PTPRT: variants seen among roughly 807,000 people sequenced by gnomAD.
PTPRT encodes the protein receptor-type tyrosine-protein phosphatase T.
In PTPRT, 56 loss-of-function variants were observed where a neutral mutation model predicts 176.8. The ratio of observed to expected loss-of-function variants is 0.32; its 90% CI spans 0.26 to 0.40. The LOEUF (loss-of-function observed/expected upper bound fraction) is 0.40, where lower values mean the gene tolerates loss of function less well. Ranked by LOEUF, PTPRT falls within the 10% of genes least tolerant of loss-of-function variation. The pLI, the probability that PTPRT is intolerant of heterozygous loss-of-function variation, is 1.00. For synonymous variants in PTPRT, 783 were observed against 739.0 expected (o/e 1.06, Z -0.96); for missense variants, 1,540 against 1,908.2 (o/e 0.81, Z 3.60).
At chr20:43,168,472 T>C (rs971817047) in intron 1 of PTPRT, among the ~76,000 whole-genome samples, 2 of 152,192 alleles carry the variant, frequency 1.3e-5, no homozygotes, top group Non-Finnish European at 1.5e-5. Context: ...GGGAATCCTC[T>C]AGTGGCTGTA....
rs2014887066 is a variant in PTPRT, at chr20:43,167,497, C to CA, written c.88+22148dup. Among the ~76,000 whole-genome samples, 7 of 152,252 alleles carry CA rather than the reference C, an allele frequency of 4.6e-5. No homozygotes were observed. The South Asian group carries it at 1.5e-3, about 32-fold the overall frequency. ...TGACAGCTATAGTCTAAAATGGCCC[C>CA]AATGATCTTCACCTCCCAGTACTCA... On this transcript the variant is annotated intron_variant, in intron 1 of 30. Coordinates refer to ENST00000373187, the MANE Select transcript of PTPRT (RefSeq NM_007050.6).
In PTPRT at chr20:42,120,059, G is replaced by C. The variant is rs77380339; in HGVS notation, c.2848-88C>G. On this transcript the variant is annotated intron_variant, in intron 19 of 30. Transcript: ENST00000373187. ...TTAATAAACATCCTCTCCAAGTCTT[G>C]ATTTTCTCATGGGCAAAATGAGAAC... 3,580 of 1,254,538 alleles carry C rather than the reference G, an allele frequency of 2.9e-3. 121 individuals carry two copies. In the East Asian group the frequency reaches 0.068, roughly 24 times the overall value. The allele number at this position is 1,254,538 out of a possible 1,614,324, so 77.7% of individuals were successfully genotyped here.
intron 1 of PTPRT, among the ~76,000 whole-genome samples, chr20:42,920,911 A>G (rs1330249332): frequency 6.6e-6 from 1 of 152,216 alleles, no homozygotes; most frequent in East Asian, 1.9e-4. Context: ...AAATATTTAC[A>G]GACATTTTCT....
At chr20:42,549,689 C>G (rs1026095866) in intron 7 of PTPRT, among the ~76,000 whole-genome samples, 1 of 152,124 alleles carries the variant, frequency 6.6e-6, no homozygotes, top group African/African-American at 2.4e-5. Context: ...TAAACACATG[C>G]CCCTCAGTGG....
chr20:42,450,210 T>C (rs1290318032), intron 8 of PTPRT, among the ~76,000 whole-genome samples: 2 of 152,244 alleles, frequency 1.3e-5, no homozygotes, highest in African/African-American at 2.4e-5. Flanking sequence ...TAAGTATGCA[T>C]GCAACTCTGC....
At chr20:42,430,650 G>A (rs908815760) in intron 9 of PTPRT, among the ~76,000 whole-genome samples, 4 of 152,176 alleles carry the variant, frequency 2.6e-5, no homozygotes, top group Admixed American at 2.0e-4. Context: ...GGGCTTCCAG[G>A]ACCCTCTGGG....
At chr20:42,698,083 C>A (rs760006639) in intron 6 of PTPRT, among the ~76,000 whole-genome samples, 83 of 152,150 alleles carry the variant, frequency 5.5e-4, no homozygotes, top group Non-Finnish European at 1.0e-3. Flanking sequence ...CAAATTGCCC[C>A]ATGAACTTCC....
chr20:42,323,235 T>C (rs571550802), intron 11 of PTPRT, among the ~76,000 whole-genome samples: 1 of 152,306 alleles, frequency 6.6e-6, no homozygotes, highest in South Asian at 2.1e-4. Flanking sequence ...AGAAATACCA[T>C]TTGACCCAGC....
At chr20:42,883,390 G>A (rs2145858656) in intron 2 of PTPRT, among the ~76,000 whole-genome samples, 1 of 152,102 alleles carries the variant, frequency 6.6e-6, no homozygotes, top group Admixed American at 6.5e-5. Context: ...TGGAAAAGTG[G>A]GTAAGAGAGA....
chr20:42,085,950 T>G, intron 27 of PTPRT, 97 bp from the exon 28 acceptor site: 1 of 1,378,194 alleles, frequency 7.3e-7, no homozygotes, highest in South Asian at 1.4e-5. Context: ...TTTTTTCTTT[T>G]TCTTTTTTTT....
At chr20:43,008,795 G>A (rs1342779153) in intron 1 of PTPRT, among the ~76,000 whole-genome samples, 1 of 152,074 alleles carries the variant, frequency 6.6e-6, no homozygotes, top group Non-Finnish European at 1.5e-5. Flanking sequence ...TAAGATACAG[G>A]CTCCTAGTGA....
intron 7 of PTPRT, among the ~76,000 whole-genome samples, chr20:42,476,175 G>A (rs915950289): frequency 1.3e-5 from 2 of 152,238 alleles, no homozygotes; most frequent in Admixed American, 6.5e-5. Context: ...CTTTTAGAGA[G>A]AATTGCCTTT....
intron 7 of PTPRT, among the ~76,000 whole-genome samples, chr20:42,668,695 TC>T (rs1198952238): frequency 8.4e-6 from 1 of 118,782 alleles, no homozygotes; most frequent in Non-Finnish European, 1.7e-5. Context: ...TGCGGATAAT[TC>T]TTTTTTTTTT....
intron 1 of PTPRT, among the ~76,000 whole-genome samples, chr20:42,966,967 G>A (rs574702049): frequency 6.6e-6 from 1 of 152,236 alleles, no homozygotes; most frequent in African/African-American, 2.4e-5. Flanking sequence ...CATTTGTTGT[G>A]CTTTTACAAC....
chr20:42,189,648 TGTACTTCATTCCTTTGAAGG>T (rs1180896018), intron 16 of PTPRT, among the ~76,000 whole-genome samples: 5 of 152,196 alleles, frequency 3.3e-5, no homozygotes, highest in African/African-American at 1.2e-4. Context: ...CATTGTTGAC[TGTACTTCATTCCTTTGAAGG>T]GTACCGTGGG....
At chr20:42,039,390 G>T in the PTPRT span, among the ~76,000 whole-genome samples, 2 of 151,930 alleles carry the variant, frequency 1.3e-5, no homozygotes, top group African/African-American at 4.8e-5. Context: ...TATGTTATTA[G>T]CTGTAGTCTC....
At chr20:42,377,369 C>T (rs891370932) in intron 9 of PTPRT, among the ~76,000 whole-genome samples, 17 of 152,156 alleles carry the variant, frequency 1.1e-4, no homozygotes, top group Admixed American at 1.1e-3. Context: ...CGTGGTGGTC[C>T]CTCTGGGCAA....
intron 1 of PTPRT, among the ~76,000 whole-genome samples, chr20:43,159,675 T>C (rs1011309082): frequency 6.6e-6 from 1 of 152,174 alleles, no homozygotes; most frequent in African/African-American, 2.4e-5. Flanking sequence ...AACATTGTTC[T>C]CTGGCTGCAG....
chr20:42,723,273 T>C (rs1168838720), intron 6 of PTPRT, among the ~76,000 whole-genome samples: 1 of 152,078 alleles, frequency 6.6e-6, no homozygotes, highest in East Asian at 1.9e-4. Context: ...TTGCCAATAT[T>C]AAAGAAAAAG....
Sources: allele counts gnomAD v4.1 joint callset (sites outside exome capture counted in the v4.1 genomes callset), GRCh38; gene constraint gnomAD v4.1.1; transcripts MANE v1.5; gene names NCBI Gene and HGNC (gene_info 2026-07-23, HGNC 2026-07-21).